Variants in PPARGC1B observed in about 807,000 individuals in gnomAD.
PPARGC1B encodes the protein peroxisome proliferator-activated receptor gamma coactivator 1-beta.
PPARGC1B carries 34 observed loss-of-function variants against 101.6 expected under a neutral mutation model. The ratio of observed to expected loss-of-function variants is 0.33; its 90% CI spans 0.25 to 0.45. The LOEUF (loss-of-function observed/expected upper bound fraction) is 0.45. Ranked by LOEUF, PPARGC1B falls within the 20% of genes least tolerant of loss-of-function variation. The pLI, the probability that PPARGC1B is intolerant of heterozygous loss-of-function variation, is 1.00. For missense variants in PPARGC1B, 1,234 were observed against 1,317.6 expected, an observed-to-expected ratio of 0.94 and a Z score of 0.98; for synonymous variants, 548 against 539.3, an observed-to-expected ratio of 1.02 and a Z score of -0.22.
chr5:149,832,899 G>A lies in PPARGC1B; in HGVS notation c.826G>A (p.Gly276Ser), dbSNP rs551659625. ...CCTAGCTCTGGGCAGGGCAGACCCC[G>A]GTGCCCCGGTTTCCCAGGAAGACAT... Reference protein sequence around the residue: ...DSLALGRADPGAPVSQEDMQA... With the variant: ...DSLALGRADPSAPVSQEDMQA... Residue 276 changes from glycine (G) to serine (S), a missense_variant, in exon 5 of 12, where the codon GGT becomes AGT. Gly to Ser is a moderately conservative substitution (Grantham distance 56). Around this residue, in one of 3 missense-constraint regions of PPARGC1B, gnomAD observed 734 missense variants for 768.4 expected, o/e 0.96. Transcript: ENST00000309241. The surrounding 1 kb of genome is among the most constrained non-coding windows in gnomAD (Gnocchi z 4.9). 190 of 1,613,020 alleles carry A rather than the reference G, an allele frequency of 1.2e-4. No homozygotes were observed. The East Asian group carries it at 3.7e-3, about 31-fold the overall frequency.
At chr5:149,798,623 A>C (rs962432445) in intron 1 of PPARGC1B, among the ~76,000 whole-genome samples, 1 of 152,230 alleles carries the variant, frequency 6.6e-6, no homozygotes, top group Admixed American at 6.5e-5. Flanking sequence ...GATTATAATC[A>C]CATAGCTCCA....
chr5:149,762,155 G>GTTT (rs145066643), intron 1 of PPARGC1B, among the ~76,000 whole-genome samples: 2,553 of 133,670 alleles, frequency 0.019, 106 homozygotes, highest in African/African-American at 0.069. Context: ...AATCCCATGG[G>GTTT]TTTTTTTTTT....
intron 10 of PPARGC1B, among the ~76,000 whole-genome samples, chr5:149,842,962 G>A (rs1224370915): frequency 6.6e-6 from 1 of 152,208 alleles, no homozygotes; most frequent in Non-Finnish European, 1.5e-5. Flanking sequence ...GAGGTCAAGA[G>A]TTCAAGACCA....
At chr5:149,752,414 C>G (rs1399510651) in intron 1 of PPARGC1B, among the ~76,000 whole-genome samples, 2 of 152,208 alleles carry the variant, frequency 1.3e-5, no homozygotes, top group Non-Finnish European at 2.9e-5. Context: ...CAGGAAGACC[C>G]AGCTGCCTGG....
At chr5:149,752,796 T>C (rs1288798934) in intron 1 of PPARGC1B, among the ~76,000 whole-genome samples, 1 of 152,180 alleles carries the variant, frequency 6.6e-6, no homozygotes, top group Non-Finnish European at 1.5e-5. Context: ...ACCATTGCAC[T>C]CCAGCCTGGG....
intron 11 of PPARGC1B, chr5:149,846,233 C>A (rs1759550845): frequency 7.2e-6 from 4 of 557,044 alleles, no homozygotes. Flanking sequence ...CTTCACAGGG[C>A]CAGCTGCTAC....
At chr5:149,800,370 A>G (rs970149188) in intron 1 of PPARGC1B, among the ~76,000 whole-genome samples, 16 of 152,200 alleles carry the variant, frequency 1.1e-4, no homozygotes, top group Admixed American at 5.9e-4. Flanking sequence ...GAAAGATATC[A>G]CCAAGAACTC....
At chr5:149,765,452 T>G (rs997017436) in intron 1 of PPARGC1B, among the ~76,000 whole-genome samples, 1 of 152,116 alleles carries the variant, frequency 6.6e-6, no homozygotes, top group Non-Finnish European at 1.5e-5. Flanking sequence ...TTACTCCTAG[T>G]CGAGAAAATG....
At chr5:149,840,600 G>T (rs1484136858) in intron 9 of PPARGC1B, among the ~76,000 whole-genome samples, 1 of 152,194 alleles carries the variant, frequency 6.6e-6, no homozygotes, top group Non-Finnish European at 1.5e-5. Flanking sequence ...AGTGCCGAGA[G>T]ACCAAGAGAG....
chr5:149,775,916 T>TA (rs1287904064), intron 1 of PPARGC1B, among the ~76,000 whole-genome samples: 1 of 152,156 alleles, frequency 6.6e-6, no homozygotes, highest in Non-Finnish European at 1.5e-5. Flanking sequence ...TGGATAGAAA[T>TA]AAGTCCTTCC....
intron 1 of PPARGC1B, among the ~76,000 whole-genome samples, chr5:149,816,827 T>C (rs1758072235): frequency 6.6e-6 from 1 of 152,140 alleles, no homozygotes; most frequent in Admixed American, 6.5e-5. Flanking sequence ...TGTCCCACAG[T>C]CCCTAGATGG....
At chr5:149,799,693 G>GTTGTTTTTTTTTTT (rs752427488) in intron 1 of PPARGC1B, among the ~76,000 whole-genome samples, 6 of 76,480 alleles carry the variant, frequency 7.8e-5, no homozygotes, top group Admixed American at 4.1e-4. Flanking sequence ...GCTTGTTGTT[G>GTTGTTTTTTTTTTT]TTTTTTTTTT....
chr5:149,838,910 T>C (rs1429754145), intron 8 of PPARGC1B, among the ~76,000 whole-genome samples: 1 of 152,238 alleles, frequency 6.6e-6, no homozygotes, highest in Non-Finnish European at 1.5e-5. Context: ...ACACAAATCT[T>C]GAACTCCACG....
chr5:149,820,483 C>A lies in PPARGC1B; in HGVS notation c.129C>A (p.Asp43Glu), dbSNP rs757894127. Reference protein sequence around the residue: ...EQLYADFPELDLSQLDASDFD... With the variant: ...EQLYADFPELELSQLDASDFD... ...TCTATGCTGACTTTCCAGAACTTGA[C>A]CTCTCCCAGCTGGATGCCAGCGACT... is the stretch of plus-strand genomic sequence containing the variant. The change falls in exon 2 of 12, where the codon GAC (aspartate) becomes GAA (glutamate). Residue 43 changes from aspartate (D) to glutamate (E), a missense_variant. Asp to Glu is a conservative substitution (Grantham distance 45, BLOSUM62 2). Coordinates refer to ENST00000309241, the MANE Select transcript of PPARGC1B (RefSeq NM_133263.4). 1 of 1,614,102 alleles carries A rather than the reference C, an allele frequency of 6.2e-7. No homozygotes were observed. The highest frequency in any genetic ancestry group is 8.5e-7 in the Non-Finnish European group (1 of 1,180,036).
intron 3 of PPARGC1B, among the ~76,000 whole-genome samples, chr5:149,828,965 T>A (rs1758637039): frequency 6.6e-6 from 1 of 151,914 alleles, no homozygotes; most frequent in South Asian, 2.1e-4. Flanking sequence ...GTAGGAGGAT[T>A]TTCTAAAGCC....
chr5:149,784,188 T>C (rs956062544), intron 1 of PPARGC1B, among the ~76,000 whole-genome samples: 4 of 152,072 alleles, frequency 2.6e-5, no homozygotes, highest in African/African-American at 9.7e-5. Flanking sequence ...AATTTATCCT[T>C]CTTCCTTGCT....
At chr5:149,798,569 C>G (rs1006640901) in intron 1 of PPARGC1B, among the ~76,000 whole-genome samples, 1 of 152,234 alleles carries the variant, frequency 6.6e-6, no homozygotes, top group Non-Finnish European at 1.5e-5. Context: ...AGCCAGTCCA[C>G]TGAGCAAACG....
intron 1 of PPARGC1B, among the ~76,000 whole-genome samples, chr5:149,734,179 G>T (rs1754602724): frequency 6.7e-6 from 1 of 150,066 alleles, no homozygotes; most frequent in Non-Finnish European, 1.5e-5. Flanking sequence ...AAAATTAGCT[G>T]GGCGTGGTGA....
intron 1 of PPARGC1B, among the ~76,000 whole-genome samples, chr5:149,810,390 T>TA (rs1757807512): frequency 1.3e-5 from 2 of 152,234 alleles, no homozygotes; most frequent in South Asian, 4.1e-4. Context: ...CCAGGATCCA[T>TA]GCTGCCGAAG....
Sources: gnomAD v4.1 joint callset for allele counts (sites outside exome capture counted in the v4.1 genomes callset) on GRCh38, gnomAD v4.1.1 for gene constraint, gnomAD v4.1.1 regional missense constraint, Gnocchi (gnomAD v3.1) non-coding constraint, MANE v1.5 for transcripts, NCBI Gene and HGNC (gene_info 2026-07-23, HGNC 2026-07-21) for gene names.